Variants in AK8 observed in about 807,000 individuals in gnomAD.
AK8 encodes the protein ATP-AMP transphosphorylase 8.
AK8 carries 44 observed loss-of-function variants against 54.6 expected under a neutral mutation model. The ratio of observed to expected loss-of-function variants is 0.81; its 90% CI spans 0.63 to 1.04. The LOEUF is 1.04. Ranked by LOEUF, AK8 falls within the 50% of genes least tolerant of loss-of-function variation. The pLI, the probability that AK8 is intolerant of heterozygous loss-of-function variation, is 0.00. For missense variants in AK8, 555 were observed against 613.6 expected (o/e 0.90, Z 1.01); for synonymous variants, 239 against 245.6 (o/e 0.97, Z 0.25).
chr9:132,832,864 T>C (rs1842162376), intron 5 of AK8, among the ~76,000 whole-genome samples: 1 of 152,120 alleles, frequency 6.6e-6, no homozygotes. Flanking sequence ...GGTGCAGATG[T>C]GAAAATCTAA....
intron 11 of AK8, among the ~76,000 whole-genome samples, chr9:132,773,176 G>C (rs1239095935): frequency 6.6e-6 from 1 of 152,192 alleles, no homozygotes; most frequent in East Asian, 1.9e-4. Context: ...GTTGCTCAGA[G>C]TTGCCAGGCA....
chr9:132,789,636 G>GA (rs1839865688), intron 11 of AK8, among the ~76,000 whole-genome samples: 2 of 112,266 alleles, frequency 1.8e-5, no homozygotes, highest in African/African-American at 3.1e-5. Flanking sequence ...AGAAAGAAAA[G>GA]AAAAAAAGAT....
Position 132,803,060 on chromosome 9 carries a change from T to C in AK8, c.980-10285A>G, listed in dbSNP as rs779516569. ...GGAAGCAAACACGTCCTTCTTCACA[T>C]AGCGGCAGCCAGGAGAGGTGCAGAG... On this transcript the variant is annotated intron_variant, in intron 10 of 12. Transcript: ENST00000298545. The surrounding 1 kb of genome is among the most constrained non-coding windows in gnomAD (Gnocchi z 4.4). 6.6e-4 allele frequency among the ~76,000 whole-genome samples: 100 copies of C among 152,278 alleles called. 2 individuals carry two copies. Among genetic ancestry groups the C allele is most frequent in the Middle Eastern group, 6.8e-3 (2 of 294 alleles).
rs971416643 is a variant in AK8, at chr9:132,810,849, G to C, written c.979+3789C>G. Among the ~76,000 whole-genome samples, 6 of 152,004 alleles carry C rather than the reference G, an allele frequency of 3.9e-5. 1 individual carries two copies. The highest frequency in any genetic ancestry group is 8.8e-5 in the Non-Finnish European group (6 of 68,012). ...AAACTACAAAATTATAACGTGACTT[G>C]AAACAGAGATAAAATATAGAATGTA... On this transcript the variant is annotated intron_variant, in intron 10 of 12. Coordinates refer to ENST00000298545, the MANE Select transcript of AK8 (RefSeq NM_152572.3).
intron 5 of AK8, among the ~76,000 whole-genome samples, chr9:132,844,312 A>AAG (rs1215108645): frequency 1.4e-4 from 21 of 151,434 alleles, no homozygotes; most frequent in African/African-American, 4.6e-4. Flanking sequence ...AAAAAAAAAA[A>AAG]AAAAGAAAAA....
chr9:132,794,316 T>C (rs1180446055), intron 10 of AK8, among the ~76,000 whole-genome samples: 2 of 152,176 alleles, frequency 1.3e-5, no homozygotes, highest in African/African-American at 4.8e-5. Flanking sequence ...GCAGTCTCCT[T>C]TCCAAGGCAA....
chr9:132,871,841 G>A (rs1564449715), intron 2 of AK8, among the ~76,000 whole-genome samples: 1 of 152,238 alleles, frequency 6.6e-6, no homozygotes, highest in Non-Finnish European at 1.5e-5. Context: ...AACATCAACT[G>A]CACTCCATCC....
rs1841885279 is a variant in AK8 at position 132,826,768 on chromosome 9, C to T, written c.757+86G>A. 7 of 1,465,478 alleles carry T rather than the reference C, an allele frequency of 4.8e-6. No homozygotes were observed. Among genetic ancestry groups the T allele is most frequent in the Non-Finnish European group, 6.6e-6 (7 of 1,056,110 alleles). 90.8% of individuals were successfully genotyped at this position (1,465,478 alleles called of 1,614,324 possible). On this transcript the variant is annotated intron_variant, in intron 8 of 12. Transcript: ENST00000298545. This position sits in a 1 kb window ranked among gnomAD's most constrained non-coding sequence, Gnocchi z 4.5. ...GGCATGTCCCAGACACTGGCCACTACCAGAATAAGGGACAAAGTGGTAGAA... is the reference window on the plus strand; with the variant it reads ...GGCATGTCCCAGACACTGGCCACTATCAGAATAAGGGACAAAGTGGTAGAA...
chr9:132,827,275 G>A (rs2131304154), intron 7 of AK8: 1 of 604,946 alleles, frequency 1.7e-6, no homozygotes. Flanking sequence ...AGGACCCAGG[G>A]CAAGGGCTGC....
intron 5 of AK8, 144 bp downstream of exon 5, chr9:132,854,713 T>C: frequency 6.1e-6 from 5 of 824,668 alleles, no homozygotes; most frequent in Non-Finnish European, 1.0e-5. Flanking sequence ...AATCCATGTC[T>C]GTAGACTGAC....
In AK8 at chr9:132,790,014, T is replaced by G. The variant is rs1470763105; in HGVS notation, c.1121+2620A>C. Among the ~76,000 whole-genome samples, 1 of 152,188 alleles carries G rather than the reference T, an allele frequency of 6.6e-6. No individual in the cohort carries two copies. Among genetic ancestry groups the G allele is most frequent in the African/African-American group, 2.4e-5 (1 of 41,444 alleles). On this transcript the variant is annotated intron_variant, in intron 11 of 12. Coordinates refer to ENST00000298545, the MANE Select transcript of AK8 (RefSeq NM_152572.3). The surrounding 1 kb of genome is among the most constrained non-coding windows in gnomAD (Gnocchi z 4.1). ...TCATGTAATGTAATATTCAGACGCATGACAGCAGGGGGCAAAGGTCCTAAG... is the reference window on the plus strand; with the variant it reads ...TCATGTAATGTAATATTCAGACGCAGGACAGCAGGGGGCAAAGGTCCTAAG...
chr9:132,874,679 T>C (rs547777686), intron 2 of AK8, among the ~76,000 whole-genome samples: 1 of 152,168 alleles, frequency 6.6e-6, no homozygotes, highest in Non-Finnish European at 1.5e-5. Flanking sequence ...GCTCCGATAA[T>C]GAGACCGTCG....
rs1445910898 is a variant in AK8 at position 132,878,134 on chromosome 9, C to T, written c.84+38G>A. 10 of 1,534,902 alleles carry T rather than the reference C, an allele frequency of 6.5e-6. No homozygotes were observed. The South Asian group carries it at 1.1e-4, about 17-fold the overall frequency. ...GACGTCGCAGTGGAGGCTCCCGAGC[C>T]GCCGCCAGCGTCGCGACGGGCAGGG... On this transcript the variant is annotated intron_variant, in intron 1 of 12. Transcript: ENST00000298545. The surrounding 1 kb of genome is among the most constrained non-coding windows in gnomAD (Gnocchi z 4.7).
At chr9:132,728,865 C>G (rs1423696374) in intron 11 of AK8, among the ~76,000 whole-genome samples, 1 of 151,960 alleles carries the variant, frequency 6.6e-6, no homozygotes, top group Admixed American at 6.6e-5. Context: ...ATCCCCACCC[C>G]CCTTTTTAGG....
intron 9 of AK8, among the ~76,000 whole-genome samples, chr9:132,816,190 C>T (rs1276733062): frequency 2.0e-5 from 3 of 151,930 alleles, no homozygotes; most frequent in Non-Finnish European, 2.9e-5. Flanking sequence ...TCCGTCTCTA[C>T]TAAAAATACA....
chr9:132,734,091 T>C (rs1039738448), intron 11 of AK8, among the ~76,000 whole-genome samples: 2 of 152,190 alleles, frequency 1.3e-5, no homozygotes, highest in Admixed American at 1.3e-4. Flanking sequence ...CCTCAGTGAT[T>C]TGTAGGCACA....
chr9:132,725,610 G>A lies in AK8; in HGVS notation c.*78C>T, dbSNP rs1836518691. On this transcript the variant is annotated 3_prime_UTR_variant, in exon 13 of 13. Coordinates refer to ENST00000298545, the MANE Select transcript of AK8 (RefSeq NM_152572.3). ...CAGCAGGCTTTATTGGCTTTTTAGG[G>A]GAGCTGTGCCGAGGCTGGGGGGCTG... is the stretch of plus-strand genomic sequence containing the variant. 1.5e-6 allele frequency: 2 copies of A among 1,311,566 alleles called. No individual in the cohort carries two copies. Among genetic ancestry groups the A allele is most frequent in the Non-Finnish European group, 2.1e-6 (2 of 950,356 alleles). The allele number at this position is 1,311,566 out of a possible 1,614,324, so 81.2% of individuals were successfully genotyped here.
chr9:132,777,263 C>T lies in AK8; in HGVS notation c.1121+15371G>A, dbSNP rs145489352. 1.9e-3 allele frequency among the ~76,000 whole-genome samples: 282 copies of T among 152,278 alleles called. 2 individuals carry two copies. Among genetic ancestry groups the T allele is most frequent in the African/African-American group, 5.4e-3 (225 of 41,560 alleles). On this transcript the variant is annotated intron_variant, in intron 11 of 12. Coordinates refer to ENST00000298545, the MANE Select transcript of AK8 (RefSeq NM_152572.3). ...AATATTAGGAATAAATATGGTCACACGGGTGGAGCCCCTATTGGTGCCAGT... is the reference window on the plus strand; with the variant it reads ...AATATTAGGAATAAATATGGTCACATGGGTGGAGCCCCTATTGGTGCCAGT...
chr9:132,846,034 A>T (rs187926733), intron 5 of AK8, among the ~76,000 whole-genome samples: 1 of 152,236 alleles, frequency 6.6e-6, no homozygotes, highest in East Asian at 1.9e-4. Flanking sequence ...AGTGGGACAC[A>T]CAGACGATCA....
Sources: allele counts gnomAD v4.1 joint callset (sites outside exome capture counted in the v4.1 genomes callset), GRCh38; gene constraint gnomAD v4.1.1; non-coding constraint Gnocchi (gnomAD v3.1); transcripts MANE v1.5; gene names NCBI Gene and HGNC (gene_info 2026-07-23, HGNC 2026-07-21).